The following ARHGAP39 variants were observed in gnomAD, a reference collection of about 807,000 sequenced individuals.
The protein encoded by ARHGAP39 is Rho GTPase activating protein 39.
A neutral mutation model predicts 106.9 loss-of-function variants in ARHGAP39; 44 were observed. The observed-to-expected ratio is 0.41, with a 90% CI of 0.32 to 0.53. The LOEUF (loss-of-function observed/expected upper bound fraction) is 0.53, where lower values mean the gene tolerates loss of function less well. ARHGAP39 is among the 20% of genes least tolerant of loss of function. The probability of loss-of-function intolerance (pLI) is 0.21; values close to 1 mark genes in which losing one functional copy is unlikely to be tolerated. For synonymous variants in ARHGAP39, 768 were observed against 693.2 expected, an observed-to-expected ratio of 1.11 and a Z score of -1.69; for missense variants, 1,496 against 1,577.3, an observed-to-expected ratio of 0.95 and a Z score of 0.87.
At position 144,529,226 on chromosome 8, in the gene ARHGAP39, C is replaced by G. The variant is rs1396439176; in HGVS notation, c.*1196G>C. 1 of 269,386 alleles carries G rather than the reference C, an allele frequency of 3.7e-6. No homozygotes were observed. Among genetic ancestry groups the G allele is most frequent in the Non-Finnish European group, 6.9e-6 (1 of 144,302 alleles). 16.7% of individuals were successfully genotyped at this position (269,386 alleles called of 1,614,324 possible). On this transcript the variant is annotated 3_prime_UTR_variant, in exon 12 of 12. Coordinates refer to ENST00000377307, the MANE Select transcript of ARHGAP39 (RefSeq NM_025251.3). ...CACTCGTGTCGTCGCCTCTCGGGTC[C>G]ATGCGTCGGGGCGAGCGTCTCAGCC...
At chr8:144,657,093 A>G (rs1821716082) in intron 1 of ARHGAP39, among the ~76,000 whole-genome samples, 1 of 152,084 alleles carries the variant, frequency 6.6e-6, no homozygotes, top group Non-Finnish European at 1.5e-5. Flanking sequence ...AAAATTAAAC[A>G]TTTAAGAAAA....
intron 1 of ARHGAP39, among the ~76,000 whole-genome samples, chr8:144,673,184 C>A (rs931390147): frequency 2.7e-5 from 4 of 150,418 alleles, no homozygotes; most frequent in African/African-American, 1.0e-4. Context: ...GCCACTGCCC[C>A]CTAGCCTGGG....
chr8:144,666,737 G>A (rs1821975032), intron 1 of ARHGAP39, among the ~76,000 whole-genome samples: 2 of 152,140 alleles, frequency 1.3e-5, no homozygotes, highest in African/African-American at 4.8e-5. Context: ...CCCCAGTCTT[G>A]GGTATGTCTT....
chr8:144,583,625 T>C (rs1329082798), intron 2 of ARHGAP39, among the ~76,000 whole-genome samples: 1 of 152,236 alleles, frequency 6.6e-6, no homozygotes, highest in Non-Finnish European at 1.5e-5. Context: ...CGTGCTCCAC[T>C]GAGCTGGCCA....
intron 1 of ARHGAP39, among the ~76,000 whole-genome samples, chr8:144,662,574 C>A (rs1175793804): frequency 2.0e-5 from 3 of 151,008 alleles, no homozygotes; most frequent in African/African-American, 7.3e-5. Context: ...CTCCCCCTCC[C>A]ACTTATCCAC....
rs1200584665 is a variant in ARHGAP39 at position 144,548,854 on chromosome 8, T to C, written c.597-365A>G. ...CCGCCGGGCAGGCTCCTGGGCCCTG[T>C]GTTCCTGCTGAGCAGTGGCGTTGGA... On this transcript the variant is annotated intron_variant, in intron 4 of 11. Coordinates refer to ENST00000377307, the MANE Select transcript of ARHGAP39 (RefSeq NM_025251.3). This position sits in a 1 kb window ranked among gnomAD's most constrained non-coding sequence, Gnocchi z 7.4. 1.3e-5 allele frequency among the ~76,000 whole-genome samples: 2 copies of C among 152,202 alleles called. No homozygotes were observed. Among genetic ancestry groups the C allele is most frequent in the Non-Finnish European group, 2.9e-5 (2 of 68,024 alleles).
chr8:144,584,687 C>G lies in ARHGAP39; in HGVS notation c.81-3410G>C, dbSNP rs543722062. Among the ~76,000 whole-genome samples the G allele has an allele frequency of 2.0e-5, 3 of 152,232 alleles. No homozygotes were observed. The East Asian group carries it at 5.8e-4, about 29-fold the overall frequency. On this transcript the variant is annotated intron_variant, in intron 2 of 11. Transcript: ENST00000377307. ...CCAAGGCAGGAGAATCCCTTGAACC[C>G]GGGAGGCAGAGGTTGCAGGCAGCTG... is the stretch of plus-strand genomic sequence containing the variant.
At chr8:144,581,359 C>G in intron 2 of ARHGAP39, 82 bp from the exon 3 acceptor site, 1 of 1,384,256 alleles carries the variant, frequency 7.2e-7, no homozygotes, top group Non-Finnish European at 9.7e-7. Context: ...CCGGCTCCAG[C>G]CCCAGCTGCG....
At chr8:144,693,526 G>C in the ARHGAP39 span, among the ~76,000 whole-genome samples, 1 of 151,996 alleles carries the variant, frequency 6.6e-6, no homozygotes, top group Non-Finnish European at 1.5e-5. Context: ...GGCGCCCGCT[G>C]CCACCCCTGG....
chr8:144,562,484 G>GGACTCACTCCAGTGGTTTCCATCGGACT (rs372324660), intron 3 of ARHGAP39, among the ~76,000 whole-genome samples: 10 of 122,242 alleles, frequency 8.2e-5, no homozygotes, highest in African/African-American at 4.4e-4. Flanking sequence ...GGTTTCCATC[G>GGACTCACTCCAGTGGTTTCCATCGGACT]CACTCCAGTG....
chr8:144,609,287 A>C (rs1820400772), intron 1 of ARHGAP39, among the ~76,000 whole-genome samples: 1 of 151,984 alleles, frequency 6.6e-6, no homozygotes, highest in African/African-American at 2.4e-5. Flanking sequence ...TGAAATGATC[A>C]CATGGTTTCT....
At chr8:144,566,961 G>C (rs530012832) in intron 3 of ARHGAP39, among the ~76,000 whole-genome samples, 1 of 151,818 alleles carries the variant, frequency 6.6e-6, no homozygotes, top group Non-Finnish European at 1.5e-5. Context: ...AATGATGCAA[G>C]CCAGAAGACA....
intron 2 of ARHGAP39, among the ~76,000 whole-genome samples, chr8:144,597,709 C>T (rs750241724): frequency 9.2e-5 from 14 of 152,108 alleles, no homozygotes; most frequent in African/African-American, 2.4e-4. Flanking sequence ...GAAGAAAATA[C>T]GTGAAGAATT....
chr8:144,696,773 CTT>C, the ARHGAP39 span, among the ~76,000 whole-genome samples: 1 of 152,290 alleles, frequency 6.6e-6, no homozygotes, highest in East Asian at 1.9e-4. Flanking sequence ...CTCCAGAACT[CTT>C]TAACTGTGTA....
At chr8:144,589,263 A>T (rs1819300825) in intron 2 of ARHGAP39, among the ~76,000 whole-genome samples, 1 of 152,240 alleles carries the variant, frequency 6.6e-6, no homozygotes, top group Non-Finnish European at 1.5e-5. Context: ...CATATTTTAA[A>T]ATGTTAATTT....
intron 2 of ARHGAP39, among the ~76,000 whole-genome samples, chr8:144,605,168 G>A (rs894940235): frequency 1.3e-5 from 2 of 152,184 alleles, no homozygotes; most frequent in African/African-American, 4.8e-5. Context: ...AGGTGAGGTG[G>A]GAGGACTGCT....
intron 1 of ARHGAP39, among the ~76,000 whole-genome samples, chr8:144,621,370 C>T (rs550028318): frequency 1.2e-4 from 19 of 152,372 alleles, no homozygotes; most frequent in African/African-American, 4.6e-4. Flanking sequence ...CGCAGCTTGC[C>T]AGTTCCCAGG....
At position 144,567,980 on chromosome 8, in the gene ARHGAP39, CTT is replaced by C. The variant is rs567919424; in HGVS notation, c.513-12339_513-12338del. Among the ~76,000 whole-genome samples the C allele has an allele frequency of 7.2e-5, 11 of 152,196 alleles. No individual in the cohort carries two copies. In the East Asian group the frequency reaches 1.7e-3, roughly 24 times the overall value. On this transcript the variant is annotated intron_variant, in intron 3 of 11. Coordinates refer to ENST00000377307, the MANE Select transcript of ARHGAP39 (RefSeq NM_025251.3). ...GGCCCAGCTGTCTTTTCTTTTATCT[CTT>C]TGTCTTGTGTCTTTATTTCTACAAT...
intron 3 of ARHGAP39, among the ~76,000 whole-genome samples, chr8:144,572,888 C>A (rs1277444259): frequency 6.6e-6 from 1 of 152,208 alleles, no homozygotes; most frequent in Admixed American, 6.5e-5. Flanking sequence ...CATCACTGGC[C>A]ATCAGAGAAA....
Sources: gnomAD v4.1 joint callset for allele counts (sites outside exome capture counted in the v4.1 genomes callset) on GRCh38, gnomAD v4.1.1 for gene constraint, Gnocchi (gnomAD v3.1) non-coding constraint, MANE v1.5 for transcripts, NCBI Gene and HGNC (gene_info 2026-07-23, HGNC 2026-07-21) for gene names.